The following ZNF440 variants were observed in gnomAD, a reference collection of about 807,000 sequenced individuals.
ZNF440 encodes zinc finger protein 440.
A neutral mutation model predicts 49.7 loss-of-function variants in ZNF440; 47 were observed. That is an observed-to-expected ratio of 0.95 (90% CI 0.75 to 1.21). The LOEUF (loss-of-function observed/expected upper bound fraction) is 1.21, where lower values mean the gene tolerates loss of function less well. Among genes scored for constraint, ZNF440 ranks in the 50% most tolerant of loss-of-function variants. ZNF440 has a pLI of 0.00. For missense variants in ZNF440, 703 were observed against 715.0 expected (o/e 0.98, Z 0.19); for synonymous variants, 255 against 237.7 (o/e 1.07, Z -0.67).
chr19:11,814,546 C>T, intron 1 of ZNF440, 96 bp downstream of exon 1: 2 of 1,320,174 alleles, frequency 1.5e-6, no homozygotes, highest in African/African-American at 3.1e-5. Flanking sequence ...CGCGGCGACT[C>T]CGGGGTCGTG....
chr19:11,820,418 C>A (rs1310575566), intron 1 of ZNF440, among the ~76,000 whole-genome samples: 1 of 152,084 alleles, frequency 6.6e-6, no homozygotes, highest in African/African-American at 2.4e-5. Context: ...CGGGGTTTCA[C>A]CGTATTAGTC....
rs573693954 is a variant in ZNF440, at chr19:11,826,312, C to A, written c.4-3971C>A. 2.5e-3 allele frequency among the ~76,000 whole-genome samples: 371 copies of A among 149,138 alleles called. 4 individuals are homozygous for A. The highest frequency in any genetic ancestry group is 8.8e-3 in the African/African-American group (345 of 39,178). On this transcript the variant is annotated intron_variant, in intron 1 of 3. Transcript: ENST00000304060. ...ACAGCCTGGTAGATACCGTGTGAGA[C>A]CTTATCTATTTTTTTTTTTTAAGAC...
At chr19:11,819,062 C>A (rs568012453) in intron 1 of ZNF440, among the ~76,000 whole-genome samples, 1 of 152,194 alleles carries the variant, frequency 6.6e-6, no homozygotes, top group East Asian at 1.9e-4. Context: ...AACCCCAGCA[C>A]TTTGGGAGGC....
At chr19:11,822,382 C>T (rs1975810073) in intron 1 of ZNF440, among the ~76,000 whole-genome samples, 4 of 152,144 alleles carry the variant, frequency 2.6e-5, no homozygotes. Flanking sequence ...TATAAGAACT[C>T]AGTATAAGAG....
At position 11,832,680 on chromosome 19, in the gene ZNF440, T is replaced by G. The variant is rs1163108984; in HGVS notation, c.1504T>G (p.Phe502Val). 2 of 1,613,602 alleles carry G rather than the reference T, an allele frequency of 1.2e-6. No homozygotes were observed. The highest frequency in any genetic ancestry group is 1.7e-6 in the Non-Finnish European group (2 of 1,179,884). Reference sequence around the variant, plus strand: ...AGTTCCTTCAGTAGTTCCAGTTCCTTTTGATATCATGAAAGGACTCACACT... The same window carrying G: ...AGTTCCTTCAGTAGTTCCAGTTCCTGTTGATATCATGAAAGGACTCACACT... ...SVVPSVVPVP[F>V]DIMKGLTLER... The change falls in exon 4 of 4, where the codon TTT (phenylalanine) becomes GTT (valine). Residue 502 changes from phenylalanine to valine, a missense_variant. Physicochemically the swap from Phe to Val is conservative, Grantham distance 50 (BLOSUM62 -1). Coordinates refer to ENST00000304060, the MANE Select transcript of ZNF440 (RefSeq NM_152357.3).
At position 11,833,913 on chromosome 19, in the gene ZNF440, A is replaced by G. The variant is rs549129445; in HGVS notation, c.*949A>G. The G allele has an allele frequency of 6.2e-6, 2 of 320,252 alleles. No homozygotes were observed. The highest frequency in any genetic ancestry group is 4.4e-5 in the Admixed American group (1 of 22,582). The allele number at this position is 320,252 out of a possible 1,614,324, so 19.8% of individuals were successfully genotyped here. On this transcript the variant is annotated 3_prime_UTR_variant, in exon 4 of 4. Transcript: ENST00000304060. ...TGTAAACAATTAACTGTTTATAATA[A>G]CTGTATACTAACAAATGATATTCTT...
chr19:11,828,272 C>T (rs1190128880), intron 1 of ZNF440, among the ~76,000 whole-genome samples: 1 of 139,714 alleles, frequency 7.2e-6, no homozygotes, highest in Admixed American at 7.6e-5. Context: ...CGGCTCACTG[C>T]AACCTCTGCC....
rs1009592290 is a variant in ZNF440, at chr19:11,828,873, G to A, written c.4-1410G>A. On this transcript the variant is annotated intron_variant, in intron 1 of 3. Transcript: ENST00000304060. ...ATAATTTTGTATTTTTAGTAGAAAT[G>A]GGGTTTCTCCATGCTGGTCAGGCTG... Among the ~76,000 whole-genome samples the A allele has an allele frequency of 6.6e-5, 10 of 151,784 alleles. No homozygotes were observed. The East Asian group carries it at 1.4e-3, about 21-fold the overall frequency.
Position 11,832,591 on chromosome 19 carries a change from C to A in ZNF440, c.1415C>A (p.Ser472Ter). ...GGGAAAGGCTTTTATTGTCCCAAAT[C>A]ATTTCAAAGACATGAAAAAACTCAC... ...ICGKGFYCPK[S>*]FQRHEKTHTG... The change falls in exon 4 of 4, where the codon TCA becomes TAA. Residue 472 changes from serine (S) to a stop codon, truncating the protein, a stop_gained. Transcript: ENST00000304060. LOFTEE classifies it high-confidence loss of function. The A allele has an allele frequency of 6.2e-7, 1 of 1,613,504 alleles. No homozygotes were observed. The highest frequency in any genetic ancestry group is 1.1e-5 in the South Asian group (1 of 90,988).
chr19:11,826,625 G>A (rs1033874359), intron 1 of ZNF440, among the ~76,000 whole-genome samples: 1 of 150,992 alleles, frequency 6.6e-6, no homozygotes, highest in Non-Finnish European at 1.5e-5. Context: ...GTATTTGCTG[G>A]TGCTTCATTG....
At chr19:11,829,861 T>C (rs1224683602) in intron 1 of ZNF440, 9 of 163,876 alleles carry the variant, frequency 5.5e-5, no homozygotes, top group African/African-American at 2.4e-5. Flanking sequence ...TAGCTGGGCA[T>C]GGTGGCTCAT....
chr19:11,831,415 G>A lies in ZNF440; in HGVS notation c.239G>A (p.Cys80Tyr), dbSNP rs1300538684. Residue 80 changes from cysteine (C) to tyrosine (Y), a missense_variant, in exon 4 of 4, where the codon TGT (cysteine) becomes TAT (tyrosine). Coordinates refer to ENST00000304060, the MANE Select transcript of ZNF440 (RefSeq NM_152357.3). ...AATGAAATTAAAGATGACAGTCATT[G>A]TGGAGAAACTTTTACCCCAGTTCCA... ...KVNEIKDDSH[C>Y]GETFTPVPDD... 1 of 1,612,464 alleles carries A rather than the reference G, an allele frequency of 6.2e-7. No individual in the cohort carries two copies. Among genetic ancestry groups the A allele is most frequent in the South Asian group, 1.1e-5 (1 of 90,702 alleles).
chr19:11,819,293 A>C (rs948084717), intron 1 of ZNF440, among the ~76,000 whole-genome samples: 1 of 152,216 alleles, frequency 6.6e-6, no homozygotes, highest in African/African-American at 2.4e-5. Context: ...GGAGGGTTCC[A>C]ACTGGCTATG....
At chr19:11,821,154 C>A (rs944028616) in intron 1 of ZNF440, among the ~76,000 whole-genome samples, 1 of 152,200 alleles carries the variant, frequency 6.6e-6, no homozygotes, top group African/African-American at 2.4e-5. Flanking sequence ...CTTCAGCGCA[C>A]TCTCCTATGT....
At chr19:11,830,213 G>A in intron 1 of ZNF440, 70 bp from the exon 2 acceptor site, 1 of 1,592,990 alleles carries the variant, frequency 6.3e-7, no homozygotes, top group Non-Finnish European at 8.5e-7. Flanking sequence ...AGAACTTCTT[G>A]GGAATAGAGT....
chr19:11,832,278 T>C lies in ZNF440; in HGVS notation c.1102T>C (p.Tyr368His). 1 of 1,614,142 alleles carries C rather than the reference T, an allele frequency of 6.2e-7. No individual in the cohort carries two copies. The highest frequency in any genetic ancestry group is 1.7e-5 in the Admixed American group (1 of 60,006). ...HEKIHSGEKP[Y>H]KCKQCGKAFP... ...AAAAATTCACAGTGGAGAGAAACCCTATAAATGTAAGCAGTGTGGTAAAGC... is the reference window on the plus strand; with the variant it reads ...AAAAATTCACAGTGGAGAGAAACCCCATAAATGTAAGCAGTGTGGTAAAGC... Residue 368 changes from tyrosine (Y) to histidine (H), a missense_variant, in exon 4 of 4, where the codon TAT becomes CAT. Coordinates refer to ENST00000304060, the MANE Select transcript of ZNF440 (RefSeq NM_152357.3).
intron 1 of ZNF440, among the ~76,000 whole-genome samples, chr19:11,821,076 G>A (rs1243746157): frequency 6.6e-6 from 1 of 152,110 alleles, no homozygotes; most frequent in Non-Finnish European, 1.5e-5. Flanking sequence ...CATCTGTTCT[G>A]GAAACAGATT....
chr19:11,832,571 A>G lies in ZNF440; in HGVS notation c.1395A>G (p.Lys465=). The change falls in exon 4 of 4, where the codon AAA becomes AAG. Residue 465 remains lysine (K), a synonymous_variant. Transcript: ENST00000304060. ...GTTATAAATGTAAGATATGTGGGAA[A>G]GGCTTTTATTGTCCCAAATCATTTC... The part of the protein sequence containing the change: ...ERRYKCKICG[K]GFYCPKSFQR... The G allele has an allele frequency of 6.2e-7, 1 of 1,613,952 alleles. No homozygotes were observed. The highest frequency in any genetic ancestry group is 8.5e-7 in the Non-Finnish European group (1 of 1,179,970).
chr19:11,833,121 A>G lies in ZNF440; in HGVS notation c.*157A>G. 1 of 1,408,958 alleles carries G rather than the reference A, an allele frequency of 7.1e-7. No homozygotes were observed. The highest frequency in any genetic ancestry group is 2.3e-5 in the East Asian group (1 of 43,160). 87.3% of individuals were successfully genotyped at this position (1,408,958 alleles called of 1,614,324 possible). ...TTTGTTTCCTTCACTTCCTTTCGAT[A>G]TCATGAAAGGACTCACACTGGAGAG... On this transcript the variant is annotated 3_prime_UTR_variant, in exon 4 of 4. Coordinates refer to ENST00000304060, the MANE Select transcript of ZNF440 (RefSeq NM_152357.3).
Sources: gnomAD v4.1 joint callset for allele counts (sites outside exome capture counted in the v4.1 genomes callset) on GRCh38, gnomAD v4.1.1 for gene constraint, MANE v1.5 for transcripts, NCBI Gene and HGNC (gene_info 2026-07-23, HGNC 2026-07-21) for gene names.